Variants in ACOT7 observed in about 807,000 individuals in gnomAD.
The protein encoded by ACOT7 is cytosolic acyl coenzyme A thioester hydrolase.
In ACOT7, 12 loss-of-function variants were observed where a neutral mutation model predicts 40.2. The observed-to-expected ratio is 0.30, with a 90% CI of 0.19 to 0.48. The LOEUF (loss-of-function observed/expected upper bound fraction) is 0.48, where lower values mean the gene tolerates loss of function less well. Ranked by LOEUF, ACOT7 falls within the 20% of genes least tolerant of loss-of-function variation. The pLI is 0.99. For synonymous variants in ACOT7, 228 were observed against 219.5 expected (o/e 1.04, Z -0.34); for missense variants, 395 against 530.8 (o/e 0.74, Z 2.51).
chr1:6,285,919 G>A (rs1639490301), intron 7 of ACOT7, among the ~76,000 whole-genome samples: 1 of 152,178 alleles, frequency 6.6e-6, no homozygotes. Context: ...ATCCTGTGGC[G>A]AACCTGGCAC....
At chr1:6,290,351 T>G (rs1270908264) in intron 7 of ACOT7, among the ~76,000 whole-genome samples, 2 of 152,186 alleles carry the variant, frequency 1.3e-5, no homozygotes, top group Admixed American at 1.3e-4. Flanking sequence ...GCAACGGGTC[T>G]CAACTCCTGG....
In ACOT7 at chr1:6,311,463, T is replaced by C. The variant is rs1007814098; in HGVS notation, c.712+7029A>G. Among the ~76,000 whole-genome samples, 2 of 152,096 alleles carry C rather than the reference T, an allele frequency of 1.3e-5. No individual in the cohort carries two copies. The highest frequency in any genetic ancestry group is 2.9e-5 in the Non-Finnish European group (2 of 68,008). On this transcript the variant is annotated intron_variant, in intron 6 of 8. Transcript: ENST00000361521. This position sits in a 1 kb window ranked among gnomAD's most constrained non-coding sequence, Gnocchi z 5.2. ...GTGTTGGGGGTGCCAGCCGGGTCAG[T>C]TCCCCCAACAAAACCGGTCCAGGGC... is the stretch of plus-strand genomic sequence containing the variant.
At chr1:6,392,464 A>G (rs1215473492) in intron 1 of ACOT7, among the ~76,000 whole-genome samples, 3 of 152,038 alleles carry the variant, frequency 2.0e-5, no homozygotes, top group African/African-American at 4.8e-5. Context: ...CCCACCTCCT[A>G]TGGGAAATGA....
At chr1:6,321,128 GGT>G (rs1044397926) in intron 5 of ACOT7, among the ~76,000 whole-genome samples, 2 of 152,166 alleles carry the variant, frequency 1.3e-5, no homozygotes, top group African/African-American at 2.4e-5. Context: ...GGAACTACAT[GGT>G]CCTTTGCTCA....
At chr1:6,281,328 C>A in intron 7 of ACOT7, 42 bp from the exon 8 acceptor site, 2 of 1,575,018 alleles carry the variant, frequency 1.3e-6, no homozygotes, top group South Asian at 1.1e-5. Context: ...GCCTCCACCC[C>A]ACGGCTGGGC....
In ACOT7 at chr1:6,306,946, T is replaced by C. The variant is rs1640173497; in HGVS notation, c.712+11546A>G. Reference sequence around the variant, plus strand: ...AGAAGACCAAGTGAACAAGAGCGTCTTGGTGGAGGCCTCACTTGCGTCCCC... The same window carrying C: ...AGAAGACCAAGTGAACAAGAGCGTCCTGGTGGAGGCCTCACTTGCGTCCCC... On this transcript the variant is annotated intron_variant, in intron 6 of 8. Transcript: ENST00000361521. The surrounding 1 kb of genome is among the most constrained non-coding windows in gnomAD (Gnocchi z 4.3). 7.8e-7 allele frequency: 1 copy of C among 1,286,252 alleles called. No individual in the cohort carries two copies. Among genetic ancestry groups the C allele is most frequent in the Admixed American group, 2.3e-5 (1 of 43,498 alleles). 79.7% of individuals were successfully genotyped at this position (1,286,252 alleles called of 1,614,324 possible).
At chr1:6,375,937 C>CA (rs112245593) in intron 1 of ACOT7, among the ~76,000 whole-genome samples, 163 of 127,284 alleles carry the variant, frequency 1.3e-3, no homozygotes, top group Middle Eastern at 4.1e-3. Flanking sequence ...GACTCCACCT[C>CA]AAAAAAAAAA....
At chr1:6,366,469 C>T (rs940244621) in intron 1 of ACOT7, among the ~76,000 whole-genome samples, 2 of 151,770 alleles carry the variant, frequency 1.3e-5, no homozygotes, top group Non-Finnish European at 2.9e-5. Context: ...GCCTGTGGTC[C>T]CAGTTACTTG....
chr1:6,294,149 C>T lies in ACOT7; in HGVS notation c.829+715G>A, dbSNP rs1639747792. 6.6e-6 allele frequency among the ~76,000 whole-genome samples: 1 copy of T among 152,260 alleles called. No individual in the cohort carries two copies. Among genetic ancestry groups the T allele is most frequent in the Non-Finnish European group, 1.5e-5 (1 of 68,040 alleles). ...CTGACACCACCCTCGGTCTGTGAGG[C>T]AGTGCTGCTGCAGGGGGTGCACGGC... On this transcript the variant is annotated intron_variant, in intron 7 of 8. Transcript: ENST00000361521. This position sits in a 1 kb window ranked among gnomAD's most constrained non-coding sequence, Gnocchi z 4.6.
chr1:6,368,064 AGT>A (rs1486650525), intron 1 of ACOT7, among the ~76,000 whole-genome samples: 2 of 152,204 alleles, frequency 1.3e-5, no homozygotes, highest in East Asian at 3.9e-4. Flanking sequence ...GAGTGGAGGA[AGT>A]GTGTGTTGAC....
intron 5 of ACOT7, among the ~76,000 whole-genome samples, chr1:6,325,394 C>T (rs1244183086): frequency 7.5e-6 from 1 of 133,012 alleles, no homozygotes; most frequent in Non-Finnish European, 1.5e-5. Flanking sequence ...CGAGATTCTG[C>T]CTCAAATTAA....
chr1:6,286,212 G>A (rs1639498557), intron 7 of ACOT7, among the ~76,000 whole-genome samples: 1 of 152,204 alleles, frequency 6.6e-6, no homozygotes, highest in Non-Finnish European at 1.5e-5. Flanking sequence ...TTAAAAGATG[G>A]GTGGGACCAG....
intron 6 of ACOT7, among the ~76,000 whole-genome samples, chr1:6,309,110 CA>C (rs1640260147): frequency 6.6e-6 from 1 of 152,222 alleles, no homozygotes; most frequent in African/African-American, 2.4e-5. Context: ...GCAGAGCAGG[CA>C]AAACAGACGT....
intron 1 of ACOT7, among the ~76,000 whole-genome samples, chr1:6,378,499 G>C (rs1642278048): frequency 6.6e-6 from 1 of 151,898 alleles, no homozygotes; most frequent in Admixed American, 6.5e-5. Context: ...TCAGGGACTT[G>C]GTTTCCTTTA....
rs562340064 is a variant in ACOT7, at chr1:6,331,523, A to G, written c.510+1954T>C. On this transcript the variant is annotated intron_variant, in intron 4 of 8. Coordinates refer to ENST00000361521, the MANE Select transcript of ACOT7 (RefSeq NM_007274.4). Reference sequence around the variant, plus strand: ...GGCCTCCAGAACTGTGACAGAATCAACTTCTATTGTTTGAGAGCTACCCAG... The same window carrying G: ...GGCCTCCAGAACTGTGACAGAATCAGCTTCTATTGTTTGAGAGCTACCCAG... 3.2e-4 allele frequency among the ~76,000 whole-genome samples: 49 copies of G among 152,278 alleles called. No individual in the cohort carries two copies. The South Asian group carries it at 9.9e-3, about 31-fold the overall frequency.
intron 1 of ACOT7, among the ~76,000 whole-genome samples, chr1:6,374,437 T>C (rs1439835885): frequency 6.6e-6 from 1 of 152,132 alleles, no homozygotes; most frequent in Non-Finnish European, 1.5e-5. Context: ...ACTCTCCAAA[T>C]GTCAAGGAGG....
chr1:6,329,986 C>T (rs528691554), intron 4 of ACOT7, among the ~76,000 whole-genome samples: 23 of 152,246 alleles, frequency 1.5e-4, no homozygotes, highest in African/African-American at 5.3e-4. Flanking sequence ...AGACATCCTG[C>T]GCTAGACGAC....
At position 6,363,037 on chromosome 1, in the gene ACOT7, C is replaced by T. The variant is rs568257062; in HGVS notation, c.144-13171G>A. Among the ~76,000 whole-genome samples, 12 of 152,274 alleles carry T rather than the reference C, an allele frequency of 7.9e-5. No individual in the cohort carries two copies. The South Asian group carries it at 1.5e-3, about 18-fold the overall frequency. The stretch of plus-strand genomic sequence containing the variant: ...AATTATACTAGATCTAGATCATAGA[C>T]GTGATTATATATGAATATCATTAAT... On this transcript the variant is annotated intron_variant, in intron 1 of 8. Transcript: ENST00000361521.
chr1:6,380,240 A>G (rs1371083769), intron 1 of ACOT7, among the ~76,000 whole-genome samples: 2 of 151,814 alleles, frequency 1.3e-5, no homozygotes, highest in South Asian at 2.1e-4. Context: ...AAGAATCAAT[A>G]GAACAGAGAG....
Sources: allele counts gnomAD v4.1 joint callset (sites outside exome capture counted in the v4.1 genomes callset), GRCh38; gene constraint gnomAD v4.1.1; non-coding constraint Gnocchi (gnomAD v3.1); transcripts MANE v1.5; gene names NCBI Gene and HGNC (gene_info 2026-07-23, HGNC 2026-07-21).